MPRIP: variants seen among roughly 807,000 people sequenced by gnomAD.
MPRIP encodes myosin phosphatase Rho interacting protein, also known as myosin phosphatase Rho-interacting protein.
MPRIP carries 59 observed loss-of-function variants against 234.9 expected under a neutral mutation model. That is an observed-to-expected ratio of 0.25 (90% CI 0.20 to 0.31). The LOEUF (loss-of-function observed/expected upper bound fraction) is 0.31. Among genes scored for constraint, MPRIP ranks in the 10% least tolerant of loss-of-function variants. MPRIP has a pLI of 1.00. For missense variants in MPRIP, 2,436 were observed against 3,071.0 expected (o/e 0.79, Z 4.89); for synonymous variants, 1,144 against 1,263.9 (o/e 0.91, Z 2.01).
At position 17,185,434 on chromosome 17, in the gene MPRIP, G is replaced by A; in HGVS notation, c.*540G>A. On this transcript the variant is annotated 3_prime_UTR_variant, in exon 24 of 24. Transcript: ENST00000651222. ...CAGCCCAGGAGGAGGACAGCATTTT[G>A]TATTTGTTCCACTGATGCAGCTTAG... 2.2e-6 allele frequency: 1 copy of A among 450,624 alleles called. No homozygotes were observed. Among genetic ancestry groups the A allele is most frequent in the South Asian group, 1.6e-5 (1 of 63,894 alleles). 27.9% of individuals were successfully genotyped at this position (450,624 alleles called of 1,614,324 possible). A position where few individuals can be genotyped will look rare whatever the true frequency, so the allele number is the denominator to read the frequency against.
chr17:17,123,736 C>T (rs557223047), intron 3 of MPRIP, among the ~76,000 whole-genome samples: 36 of 143,416 alleles, frequency 2.5e-4, no homozygotes, highest in African/African-American at 8.5e-4. Flanking sequence ...AAAGAAAAAA[C>T]GAAAAGTTAA....
intron 3 of MPRIP, chr17:17,096,676 CT>C: frequency 2.2e-6 from 1 of 457,466 alleles, no homozygotes. Flanking sequence ...CTCCGGCTGC[CT>C]TGAGCAATAC....
chr17:17,143,065 ACT>A (rs376139715), intron 8 of MPRIP, among the ~76,000 whole-genome samples: 1 of 151,728 alleles, frequency 6.6e-6, no homozygotes, highest in African/African-American at 2.4e-5. Flanking sequence ...CACCTTCCTA[ACT>A]CTTTCTTTCA....
intron 3 of MPRIP, chr17:17,096,913 C>T (rs1055993560): frequency 4.7e-5 from 20 of 421,386 alleles, no homozygotes; most frequent in Non-Finnish European, 9.0e-5. Context: ...TCTAGAATCT[C>T]GTCGGCTGCT....
At chr17:17,117,169 C>T (rs935111897) in intron 3 of MPRIP, among the ~76,000 whole-genome samples, 2 of 152,222 alleles carry the variant, frequency 1.3e-5, no homozygotes, top group Non-Finnish European at 2.9e-5. Flanking sequence ...TTGAACCCAT[C>T]GTCTTCTGAC....
At chr17:17,091,850 A>T (rs1003296995) in intron 3 of MPRIP, among the ~76,000 whole-genome samples, 2 of 152,170 alleles carry the variant, frequency 1.3e-5, no homozygotes, top group African/African-American at 4.8e-5. Flanking sequence ...TGGAGAAGAG[A>T]ATACTATTTG....
chr17:17,155,697 T>C (rs2045714160), intron 13 of MPRIP, among the ~76,000 whole-genome samples: 1 of 152,236 alleles, frequency 6.6e-6, no homozygotes, highest in African/African-American at 2.4e-5. Context: ...ACAAACACTG[T>C]CTAGTAAGGC....
chr17:17,115,088 G>T (rs1352459558), intron 3 of MPRIP, among the ~76,000 whole-genome samples: 1 of 152,256 alleles, frequency 6.6e-6, no homozygotes, highest in Non-Finnish European at 1.5e-5. Context: ...CTGCATTGTT[G>T]CTGCTGGCAT....
At chr17:17,110,183 C>G (rs2090142669) in intron 3 of MPRIP, among the ~76,000 whole-genome samples, 1 of 152,096 alleles carries the variant, frequency 6.6e-6, no homozygotes, top group Admixed American at 6.5e-5. Context: ...CCTCTCTGAC[C>G]ATGTGATCTC....
intron 12 of MPRIP, among the ~76,000 whole-genome samples, chr17:17,153,717 C>T (rs1321379617): frequency 6.6e-6 from 1 of 152,046 alleles, no homozygotes; most frequent in Non-Finnish European, 1.5e-5. Context: ...GCCCTGTCCC[C>T]TGCCATCACC....
At chr17:17,056,628 AG>A (rs1319287171) in intron 1 of MPRIP, among the ~76,000 whole-genome samples, 4 of 150,978 alleles carry the variant, frequency 2.6e-5, no homozygotes, top group Non-Finnish European at 5.9e-5. Flanking sequence ...TTTTTTTTTG[AG>A]GTGAAATTCA....
In MPRIP at chr17:17,161,285, C is replaced by T. The variant is rs146270726; in HGVS notation, c.2446C>T (p.Arg816Trp). 52 of 1,600,994 alleles carry T rather than the reference C, an allele frequency of 3.2e-5. No individual in the cohort carries two copies. The African/African-American group carries it at 5.3e-4, about 16-fold the overall frequency. The change falls in exon 15 of 24, where the codon CGG (arginine) becomes TGG (tryptophan). Residue 816 changes from arginine to tryptophan, a missense_variant. This residue lies in a region of MPRIP where 1,998 missense variants were observed against 2,520.3 expected (regional missense o/e 0.79). Transcript: ENST00000651222. ...GGCCTCAGACCTTCTGGAGCAGAAC[C>T]GGCTCCTGCAGGACCAGCTGAGGGT... ...KEASDLLEQN[R>W]LLQDQLRVAL...
chr17:17,063,881 A>G (rs1477760132), intron 1 of MPRIP, among the ~76,000 whole-genome samples: 1 of 152,208 alleles, frequency 6.6e-6, no homozygotes, highest in Non-Finnish European at 1.5e-5. Flanking sequence ...GTAGGCTGAG[A>G]TGTTTCTCTG....
At chr17:17,170,293 A>G (rs534759144) in intron 16 of MPRIP, 4 of 152,136 alleles carry the variant, frequency 2.6e-5, no homozygotes, top group Non-Finnish European at 5.9e-5. Flanking sequence ...AGAAGAGCTC[A>G]ACCTTGGGGC....
chr17:17,100,796 T>C (rs551343768), intron 3 of MPRIP, among the ~76,000 whole-genome samples: 2 of 152,126 alleles, frequency 1.3e-5, no homozygotes, highest in Non-Finnish European at 2.9e-5. Context: ...AGAAATAAAG[T>C]GCACAGTAAA....
chr17:17,065,757 G>C (rs147755067), intron 1 of MPRIP, among the ~76,000 whole-genome samples: 1 of 152,126 alleles, frequency 6.6e-6, no homozygotes, highest in Non-Finnish European at 1.5e-5. Flanking sequence ...AGTTGGGTGA[G>C]AATAGACATC....
intron 23 of MPRIP, among the ~76,000 whole-genome samples, chr17:17,184,540 T>C (rs2046435343): frequency 6.6e-6 from 1 of 152,268 alleles, no homozygotes; most frequent in Admixed American, 6.5e-5. Flanking sequence ...TGATCACTGC[T>C]TCTCTAAAGA....
Position 17,185,767 on chromosome 17 carries a change from T to C in MPRIP, c.*873T>C, listed in dbSNP as rs1488717576. 8.2e-5 allele frequency: 28 copies of C among 341,822 alleles called. No individual in the cohort carries two copies. Among genetic ancestry groups the C allele is most frequent in the Non-Finnish European group, 1.2e-4 (21 of 174,132 alleles). The allele number at this position is 341,822 out of a possible 1,614,324, so 21.2% of individuals were successfully genotyped here. On this transcript the variant is annotated 3_prime_UTR_variant, in exon 24 of 24. Transcript: ENST00000651222. ...GGGGTTTGGGTTTTTTTTTTACCTTTTGGAAAAGAAACCGTCACATTGCTT... is the reference window on the plus strand; with the variant it reads ...GGGGTTTGGGTTTTTTTTTTACCTTCTGGAAAAGAAACCGTCACATTGCTT...
chr17:17,165,592 AC>A lies in MPRIP; in HGVS notation c.4005del (p.Glu1336LysfsTer65). The A allele has an allele frequency of 5.4e-6, 7 of 1,304,674 alleles. No homozygotes were observed. The highest frequency in any genetic ancestry group is 7.1e-6 in the Non-Finnish European group (7 of 989,044). The allele number at this position is 1,304,674 out of a possible 1,614,324, so 80.8% of individuals were successfully genotyped here. ...ACAATCCAGTGCCAAAGATACATTCACCCCGAAGGGTCTGAGAAGACCTGGA... is the reference window on the plus strand; with the variant it reads ...ACAATCCAGTGCCAAAGATACATTCACCCGAAGGGTCTGAGAAGACCTGGA... ...FSTIQCQRYIHPEGSEKTWTS... is the reference protein window; with the variant it reads ...FSTIQCQRYIXPEGSEKTWTS... On this transcript the variant is annotated frameshift_variant, in exon 16 of 24. Coordinates refer to ENST00000651222, the MANE Select transcript of MPRIP (RefSeq NM_001364716.4). LOFTEE classifies it high-confidence loss of function.
Sources: gnomAD v4.1 joint callset for allele counts (sites outside exome capture counted in the v4.1 genomes callset) on GRCh38, gnomAD v4.1.1 for gene constraint, gnomAD v4.1.1 regional missense constraint, MANE v1.5 for transcripts, NCBI Gene and HGNC (gene_info 2026-07-23, HGNC 2026-07-21) for gene names.